The following ZNF679 variants were observed in gnomAD, a reference collection of about 807,000 sequenced individuals.
The protein encoded by ZNF679 is hypothetical protein MGC42415.
Under a neutral mutation model 13.4 loss-of-function variants are expected in ZNF679, and 10 were observed. The observed-to-expected ratio is 0.75, with a 90% CI of 0.46 to 1.27. The LOEUF (loss-of-function observed/expected upper bound fraction) is 1.27, where lower values mean the gene tolerates loss of function less well. Ranked by LOEUF, ZNF679 falls within the 50% of genes most tolerant of loss-of-function variation. The pLI, the probability that ZNF679 is intolerant of heterozygous loss-of-function variation, is 0.00. For missense variants in ZNF679, 525 were observed against 477.8 expected (o/e 1.10, Z -0.92); for synonymous variants, 179 against 162.5 (o/e 1.10, Z -0.77).
At chr7:64,262,517 G>C (rs1788092018) in intron 4 of ZNF679, among the ~76,000 whole-genome samples, 1 of 152,116 alleles carries the variant, frequency 6.6e-6, no homozygotes, top group Non-Finnish European at 1.5e-5. Context: ...AAGCATCCAA[G>C]TTTATTTTTT....
At chr7:64,264,430 G>A (rs1788117902) in intron 4 of ZNF679, among the ~76,000 whole-genome samples, 2 of 151,726 alleles carry the variant, frequency 1.3e-5, no homozygotes. Flanking sequence ...TAATACCACA[G>A]ATTTTTATTT....
intron 2 of ZNF679, among the ~76,000 whole-genome samples, chr7:64,255,179 G>A (rs1787989460): frequency 6.6e-6 from 1 of 151,932 alleles, no homozygotes; most frequent in South Asian, 2.1e-4. Context: ...GTGATTCTAG[G>A]TCTCCTCTCA....
chr7:64,241,965 G>A (rs1301098231), intron 1 of ZNF679, among the ~76,000 whole-genome samples: 1 of 152,198 alleles, frequency 6.6e-6, no homozygotes, highest in South Asian at 2.1e-4. Flanking sequence ...CCCCACAAAT[G>A]TGCTGGCTTC....
rs189423424 is a variant in ZNF679 at position 64,260,951 on chromosome 7, G to A, written c.262+22G>A. 1.0e-5 allele frequency: 16 copies of A among 1,602,938 alleles called. No individual in the cohort carries two copies. In the African/African-American group the frequency reaches 1.1e-4, roughly 11 times the overall value. ...CCAGGTAAGTGAGAGTGGATGAAGC[G>A]GATGACACAGATGAGAGGTGCAAAA... is the stretch of plus-strand genomic sequence containing the variant. On this transcript the variant is annotated intron_variant, in intron 4 of 4. Transcript: ENST00000421025.
intron 1 of ZNF679, among the ~76,000 whole-genome samples, chr7:64,243,849 C>A (rs1372938703): frequency 6.6e-6 from 1 of 152,338 alleles, no homozygotes; most frequent in Admixed American, 6.5e-5. Context: ...ACTTCAGGAT[C>A]AGAGTCAATA....
intron 1 of ZNF679, among the ~76,000 whole-genome samples, chr7:64,246,775 G>A (rs981107442): frequency 3.6e-5 from 5 of 139,662 alleles, no homozygotes; most frequent in African/African-American, 1.0e-4. Flanking sequence ...AGGAAGGAGG[G>A]AAGGAAGGAA....
At chr7:64,231,715 A>G (rs1290256247) in intron 1 of ZNF679, among the ~76,000 whole-genome samples, 2 of 152,128 alleles carry the variant, frequency 1.3e-5, no homozygotes, top group Admixed American at 6.5e-5. Flanking sequence ...TGGCCCAGAG[A>G]TATGTAAAAA....
intron 2 of ZNF679, among the ~76,000 whole-genome samples, chr7:64,253,554 C>T (rs1787968546): frequency 6.6e-6 from 1 of 152,146 alleles, no homozygotes; most frequent in South Asian, 2.1e-4. Context: ...AAAGGTGTTG[C>T]TGTTTTGGGT....
chr7:64,244,964 C>T (rs1344000854), intron 1 of ZNF679, among the ~76,000 whole-genome samples: 1 of 152,232 alleles, frequency 6.6e-6, no homozygotes, highest in East Asian at 1.9e-4. Flanking sequence ...CTCTCAAGAA[C>T]ATAAAACAAG....
At chr7:64,261,297 C>T (rs10224003) in intron 4 of ZNF679, among the ~76,000 whole-genome samples, 133,497 of 152,190 alleles carry the variant, frequency 0.88, 59,376 homozygotes, top group Non-Finnish European at 0.94. Context: ...ATGTCTAAAA[C>T]GTGTGAGAAT....
At chr7:64,261,860 C>CTTTTTTTTTTTTTT (rs57119054) in intron 4 of ZNF679, among the ~76,000 whole-genome samples, 1 of 137,384 alleles carries the variant, frequency 7.3e-6, no homozygotes. Flanking sequence ...TTCTTTCTTT[C>CTTTTTTTTTTTTTT]TTTTTTTTTT....
At chr7:64,232,976 C>G (rs1787660819) in intron 1 of ZNF679, among the ~76,000 whole-genome samples, 1 of 152,192 alleles carries the variant, frequency 6.6e-6, no homozygotes, top group Non-Finnish European at 1.5e-5. Flanking sequence ...TGTGCTGGTT[C>G]ACCCCTGTAA....
At chr7:64,246,981 G>A (rs1787878335) in intron 1 of ZNF679, among the ~76,000 whole-genome samples, 1 of 152,084 alleles carries the variant, frequency 6.6e-6, no homozygotes, top group Non-Finnish European at 1.5e-5. Context: ...GAAAGGGATG[G>A]GCAATTCCCA....
intron 4 of ZNF679, 107 bp downstream of exon 4, chr7:64,261,036 G>A: frequency 8.4e-7 from 1 of 1,195,170 alleles, no homozygotes; most frequent in Non-Finnish European, 1.2e-6. Flanking sequence ...CATGGAAAGA[G>A]TTTCTAAGAA....
chr7:64,252,452 T>A (rs376607935), intron 2 of ZNF679, among the ~76,000 whole-genome samples: 9 of 152,346 alleles, frequency 5.9e-5, no homozygotes, highest in African/African-American at 1.7e-4. Context: ...CTTTTGTTTT[T>A]CAGAGTGAGC....
chr7:64,250,155 T>C (rs1311326593), intron 2 of ZNF679, among the ~76,000 whole-genome samples: 1 of 151,984 alleles, frequency 6.6e-6, no homozygotes, highest in Non-Finnish European at 1.5e-5. Flanking sequence ...AGAGATACAT[T>C]TGAGTTAGAT....
chr7:64,248,753 T>C (rs930924129), intron 1 of ZNF679, among the ~76,000 whole-genome samples: 1 of 152,218 alleles, frequency 6.6e-6, no homozygotes, highest in Non-Finnish European at 1.5e-5. Flanking sequence ...CATATGACGT[T>C]ATACACAAGG....
chr7:64,247,587 C>G lies in ZNF679; in HGVS notation c.-90-1441C>G, dbSNP rs146782251. On this transcript the variant is annotated intron_variant, in intron 1 of 4. Transcript: ENST00000421025. ...TTTCTTTCTTATTTTGAGACAGTCG[C>G]TCTGTCACCAGGCTATATTGCGGTG... Among the ~76,000 whole-genome samples the G allele has an allele frequency of 3.2e-3, 468 of 145,504 alleles. 10 individuals are homozygous for G. Among genetic ancestry groups the G allele is most frequent in the East Asian group, 0.029 (142 of 4,860 alleles).
In ZNF679 at chr7:64,249,159, G is replaced by T. The variant is rs995708689; in HGVS notation, c.39+3G>T. ...GATCCCCTGGAAGCCGAGAAATGGT[G>T]AGTGCTGGGTCTGTCACCGTGAGAG... On this transcript the variant is annotated splice_donor_region_variant and intron_variant, in intron 2 of 4. Coordinates refer to ENST00000421025, the MANE Select transcript of ZNF679 (RefSeq NM_153363.3). The T allele has an allele frequency of 6.2e-7, 1 of 1,614,028 alleles. No individual in the cohort carries two copies. The highest frequency in any genetic ancestry group is 1.3e-5 in the African/African-American group (1 of 74,922).
Sources: allele counts gnomAD v4.1 joint callset (sites outside exome capture counted in the v4.1 genomes callset), GRCh38; gene constraint gnomAD v4.1.1; transcripts MANE v1.5; gene names NCBI Gene and HGNC (gene_info 2026-07-23, HGNC 2026-07-21).